Variants in BMPR1B observed in about 807,000 individuals in gnomAD.
The protein encoded by BMPR1B is bone morphogenetic protein receptor type-1B.
A neutral mutation model predicts 59.1 loss-of-function variants in BMPR1B; 12 were observed. The observed-to-expected ratio is 0.20, with a 90% CI of 0.13 to 0.33. The LOEUF (loss-of-function observed/expected upper bound fraction) is 0.33. Among genes scored for constraint, BMPR1B ranks in the 10% least tolerant of loss-of-function variants. BMPR1B has a pLI of 1.00. For missense variants in BMPR1B, 550 were observed against 610.9 expected (o/e 0.90, Z 1.05); for synonymous variants, 237 against 207.3 (o/e 1.14, Z -1.23).
chr4:95,055,323 T>G (rs1391471071), intron 3 of BMPR1B, among the ~76,000 whole-genome samples: 1 of 152,038 alleles, frequency 6.6e-6, no homozygotes, highest in Non-Finnish European at 1.5e-5. Context: ...GGGAATCCAG[T>G]AAGAGGAGGA....
intron 2 of BMPR1B, among the ~76,000 whole-genome samples, chr4:94,979,356 T>G (rs1037236117): frequency 2.0e-5 from 3 of 152,220 alleles, no homozygotes; most frequent in Non-Finnish European, 2.9e-5. Flanking sequence ...AAAAAAAAAC[T>G]TACACATATT....
At chr4:94,845,299 T>A (rs1267782077) in intron 1 of BMPR1B, among the ~76,000 whole-genome samples, 1 of 151,946 alleles carries the variant, frequency 6.6e-6, no homozygotes, top group Non-Finnish European at 1.5e-5. Context: ...TCAGAATAAA[T>A]GGTTAGGTTA....
intron 1 of BMPR1B, among the ~76,000 whole-genome samples, chr4:94,834,956 TA>T (rs1291439211): frequency 3.4e-4 from 40 of 117,510 alleles, no homozygotes; most frequent in African/African-American, 5.6e-4. Flanking sequence ...TTTTTTTTTT[TA>T]AATTTTGAAA....
intron 2 of BMPR1B, among the ~76,000 whole-genome samples, chr4:94,988,494 T>G (rs978372508): frequency 1.3e-5 from 2 of 152,004 alleles, no homozygotes; most frequent in Non-Finnish European, 1.5e-5. Flanking sequence ...ATAAAGTGCT[T>G]TAGTTTAGTT....
chr4:94,961,200 G>T (rs937909714), intron 2 of BMPR1B, among the ~76,000 whole-genome samples: 31 of 152,104 alleles, frequency 2.0e-4, no homozygotes, highest in African/African-American at 7.2e-4. Flanking sequence ...TGGTTCAGGA[G>T]TCAGTAAATG....
intron 4 of BMPR1B, among the ~76,000 whole-genome samples, chr4:95,107,709 T>C (rs1021783312): frequency 6.6e-6 from 1 of 152,114 alleles, no homozygotes; most frequent in Non-Finnish European, 1.5e-5. Flanking sequence ...TCCATAGTTA[T>C]GATGATATGA....
intron 1 of BMPR1B, among the ~76,000 whole-genome samples, chr4:94,813,347 G>A (rs968379947): frequency 5.9e-5 from 9 of 152,176 alleles, no homozygotes; most frequent in Non-Finnish European, 1.0e-4. Flanking sequence ...TAAGTGATGC[G>A]ATGAGAGATC....
chr4:95,014,462 A>G (rs1272576984), intron 3 of BMPR1B, among the ~76,000 whole-genome samples: 4 of 152,180 alleles, frequency 2.6e-5, no homozygotes, highest in Non-Finnish European at 4.4e-5. Context: ...ATCAATTTCA[A>G]TTTTGTTATG....
At chr4:94,978,573 G>A (rs1348445633) in intron 2 of BMPR1B, among the ~76,000 whole-genome samples, 1 of 152,170 alleles carries the variant, frequency 6.6e-6, no homozygotes, top group Non-Finnish European at 1.5e-5. Context: ...GAAATTTTAT[G>A]ACCTGCCTTT....
intron 3 of BMPR1B, among the ~76,000 whole-genome samples, chr4:95,018,712 AACT>A (rs1723759242): frequency 6.6e-6 from 1 of 152,222 alleles, no homozygotes; most frequent in Admixed American, 6.5e-5. Flanking sequence ...AATGATAAAT[AACT>A]ACTATTTTTC....
At position 94,812,348 on chromosome 4, in the gene BMPR1B, G is replaced by A. The variant is rs952806956; in HGVS notation, c.-183+54280G>A. On this transcript the variant is annotated intron_variant, in intron 1 of 12. Coordinates refer to ENST00000515059, the MANE Select transcript of BMPR1B (RefSeq NM_001203.3). ...ATGGGTATTTGCCTGGAATGGAAAG[G>A]GGTTAGAGTATTCAAGACAAAGAAC... 5.9e-5 allele frequency among the ~76,000 whole-genome samples: 9 copies of A among 152,178 alleles called. No individual in the cohort carries two copies. The East Asian group carries it at 7.7e-4, about 13-fold the overall frequency.
At chr4:94,970,239 T>TCTTC in intron 2 of BMPR1B, among the ~76,000 whole-genome samples, 1 of 127,434 alleles carries the variant, frequency 7.8e-6, no homozygotes, top group South Asian at 2.9e-4. Context: ...CTGTTTGTTT[T>TCTTC]TCTTCTCTTC....
rs192848301 is a variant in BMPR1B at position 94,911,405 on chromosome 4, A to G, written c.-113+35505A>G. On this transcript the variant is annotated intron_variant, in intron 2 of 12. Coordinates refer to ENST00000515059, the MANE Select transcript of BMPR1B (RefSeq NM_001203.3). ...AGAAGAAGCTTGTTGGCTGACAGGA[A>G]CAGAGGGGAAGAAAGCCAGCGAGAT... Among the ~76,000 whole-genome samples the G allele has an allele frequency of 1.1e-4, 16 of 152,118 alleles. No individual in the cohort carries two copies. In the East Asian group the frequency reaches 2.9e-3, roughly 28 times the overall value.
At chr4:95,001,670 T>C (rs996184877) in intron 3 of BMPR1B, among the ~76,000 whole-genome samples, 2 of 152,182 alleles carry the variant, frequency 1.3e-5, no homozygotes, top group African/African-American at 4.8e-5. Context: ...GATTATTTGT[T>C]CTAATTTACA....
intron 1 of BMPR1B, among the ~76,000 whole-genome samples, chr4:94,773,064 A>T (rs1722243799): frequency 6.6e-6 from 1 of 152,178 alleles, no homozygotes; most frequent in African/African-American, 2.4e-5. Flanking sequence ...TGGATGGGAT[A>T]GAGTAATATG....
At chr4:95,032,320 C>T (rs915802310) in intron 3 of BMPR1B, among the ~76,000 whole-genome samples, 1 of 151,948 alleles carries the variant, frequency 6.6e-6, no homozygotes, top group African/African-American at 2.4e-5. Flanking sequence ...CAAGCAATAC[C>T]TGGTTTCTCT....
intron 2 of BMPR1B, among the ~76,000 whole-genome samples, chr4:94,890,090 C>A (rs151273050): frequency 5.7e-4 from 86 of 152,078 alleles, no homozygotes; most frequent in African/African-American, 2.0e-3. Context: ...GTGAATAGAG[C>A]CTTTCCAACT....
intron 2 of BMPR1B, among the ~76,000 whole-genome samples, chr4:94,912,546 C>A (rs1248042057): frequency 6.6e-6 from 1 of 152,122 alleles, no homozygotes; most frequent in Admixed American, 6.5e-5. Context: ...CATACATAAC[C>A]TTTGCTCATG....
intron 2 of BMPR1B, among the ~76,000 whole-genome samples, chr4:94,877,616 C>T (rs1164781563): frequency 6.6e-6 from 1 of 152,172 alleles, no homozygotes; most frequent in African/African-American, 2.4e-5. Context: ...CCCCTACCCC[C>T]AGTAGGAATT....
Sources: gnomAD v4.1 joint callset for allele counts (sites outside exome capture counted in the v4.1 genomes callset) on GRCh38, gnomAD v4.1.1 for gene constraint, MANE v1.5 for transcripts, NCBI Gene and HGNC (gene_info 2026-07-23, HGNC 2026-07-21) for gene names.